TMEM266: variants seen among roughly 807,000 people sequenced by gnomAD.
TMEM266 encodes the protein Hv1 related protein 1.
A neutral mutation model predicts 50.5 loss-of-function variants in TMEM266; 33 were observed. The observed-to-expected ratio is 0.65, with a 90% CI of 0.50 to 0.87. The LOEUF (loss-of-function observed/expected upper bound fraction) is 0.87, where lower values mean the gene tolerates loss of function less well. TMEM266 is among the 40% of genes least tolerant of loss of function. TMEM266 has a pLI of 0.00. For missense variants in TMEM266, 655 were observed against 695.1 expected, an observed-to-expected ratio of 0.94 and a Z score of 0.65; for synonymous variants, 310 against 292.3, an observed-to-expected ratio of 1.06 and a Z score of -0.62.
At chr15:76,163,967 C>T (rs2038055733) in intron 5 of TMEM266, among the ~76,000 whole-genome samples, 1 of 152,174 alleles carries the variant, frequency 6.6e-6, no homozygotes, top group Non-Finnish European at 1.5e-5. Context: ...TGATGTGCAG[C>T]CGTCACTTCT....
At chr15:76,170,471 T>TGGGGCAGGCGGACGGA (rs1217453155) in intron 6 of TMEM266, among the ~76,000 whole-genome samples, 7 of 152,246 alleles carry the variant, frequency 4.6e-5, no homozygotes, top group Non-Finnish European at 1.0e-4. Context: ...ACGGCCAGGC[T>TGGGGCAGGCGGACGGA]GGGGCAGGCG....
At chr15:76,174,238 G>A (rs2957038) in intron 7 of TMEM266, among the ~76,000 whole-genome samples, 55,933 of 151,934 alleles carry the variant, frequency 0.37, 11,575 homozygotes, top group African/African-American at 0.55. Flanking sequence ...TTCACATGCC[G>A]TAAAATCCAC....
chr15:76,065,553 T>TG (rs2036397246), intron 1 of TMEM266, among the ~76,000 whole-genome samples: 1 of 152,200 alleles, frequency 6.6e-6, no homozygotes, highest in African/African-American at 2.4e-5. Context: ...GTTAAGAGTG[T>TG]GGGCTCTGCC....
intron 1 of TMEM266, among the ~76,000 whole-genome samples, chr15:76,066,046 TCAGA>T (rs970429835): frequency 3.3e-4 from 51 of 152,352 alleles, no homozygotes; most frequent in African/African-American, 1.1e-3. Flanking sequence ...CCTGTCTCTC[TCAGA>T]CAGAGTATGA....
At chr15:76,062,367 CT>C (rs1259226763) in intron 1 of TMEM266, among the ~76,000 whole-genome samples, 1 of 152,108 alleles carries the variant, frequency 6.6e-6, no homozygotes, top group Non-Finnish European at 1.5e-5. Flanking sequence ...ATGATGTTAC[CT>C]TTTTCATTAC....
intron 1 of TMEM266, among the ~76,000 whole-genome samples, chr15:76,093,595 G>A (rs554352823): frequency 3.3e-4 from 50 of 152,192 alleles, no homozygotes; most frequent in African/African-American, 1.1e-3. Context: ...TGTCTTTATA[G>A]TAGCATGATT....
At chr15:76,073,514 T>G (rs556469591) in intron 1 of TMEM266, among the ~76,000 whole-genome samples, 1 of 152,336 alleles carries the variant, frequency 6.6e-6, no homozygotes, top group East Asian at 1.9e-4. Flanking sequence ...ATTACAGGTG[T>G]GAGCCACCAT....
intron 8 of TMEM266, chr15:76,176,074 C>T: frequency 5.5e-6 from 1 of 180,900 alleles, no homozygotes; most frequent in Non-Finnish European, 1.2e-5. Context: ...CGCGGGACGC[C>T]CAGGGCCCCA....
intron 1 of TMEM266, among the ~76,000 whole-genome samples, chr15:76,074,768 A>G (rs1474223906): frequency 6.6e-6 from 1 of 152,050 alleles, no homozygotes; most frequent in Non-Finnish European, 1.5e-5. Flanking sequence ...TGGGGTGAGG[A>G]GGAGACAGAA....
At chr15:76,131,223 C>T (rs985389888) in intron 1 of TMEM266, among the ~76,000 whole-genome samples, 3 of 152,102 alleles carry the variant, frequency 2.0e-5, no homozygotes, top group Non-Finnish European at 4.4e-5. Flanking sequence ...AAAAATTAGC[C>T]AGGCGTGGTG....
At chr15:76,180,488 A>G (rs2038381545) in intron 8 of TMEM266, among the ~76,000 whole-genome samples, 1 of 152,008 alleles carries the variant, frequency 6.6e-6, no homozygotes. Context: ...ATTGTCTCAC[A>G]TCAAGAGGAC....
Position 76,140,800 on chromosome 15 carries a change from T to A in TMEM266, c.227+2905T>A, listed in dbSNP as rs563511824. 2.0e-5 allele frequency among the ~76,000 whole-genome samples: 3 copies of A among 150,270 alleles called. No individual in the cohort carries two copies. The East Asian group carries it at 5.9e-4, about 29-fold the overall frequency. On this transcript the variant is annotated intron_variant, in intron 3 of 10. Coordinates refer to ENST00000388942, the MANE Select transcript of TMEM266 (RefSeq NM_152335.3). Reference sequence around the variant, plus strand: ...CTGTAATCCCAGCACTTTGGGAGGCTGAGGTGAGAGGATCACTTGAGTCCA... The same window carrying A: ...CTGTAATCCCAGCACTTTGGGAGGCAGAGGTGAGAGGATCACTTGAGTCCA...
chr15:76,156,401 C>T (rs2037926345), intron 3 of TMEM266, among the ~76,000 whole-genome samples: 1 of 152,120 alleles, frequency 6.6e-6, no homozygotes, highest in Admixed American at 6.5e-5. Context: ...GTGGCCAGCT[C>T]CATTTCTTAA....
intron 1 of TMEM266, among the ~76,000 whole-genome samples, chr15:76,088,432 C>G (rs2036803258): frequency 6.6e-6 from 1 of 152,078 alleles, no homozygotes; most frequent in Non-Finnish European, 1.5e-5. Context: ...GCAGGAGGAT[C>G]CCTTGAGCCC....
At chr15:76,124,219 G>A (rs1049307122) in intron 1 of TMEM266, among the ~76,000 whole-genome samples, 23 of 152,290 alleles carry the variant, frequency 1.5e-4, no homozygotes, top group African/African-American at 5.3e-4. Context: ...CTTTCTTCTC[G>A]TTTGGGAGTC....
intron 4 of TMEM266, 72 bp downstream of exon 4, chr15:76,156,830 G>A: frequency 6.6e-7 from 1 of 1,523,752 alleles, no homozygotes; most frequent in Admixed American, 1.7e-5. Flanking sequence ...CATTCATCAG[G>A]GGTCCCCAAC....
chr15:76,178,977 C>T (rs982795459), intron 8 of TMEM266, among the ~76,000 whole-genome samples: 32 of 152,112 alleles, frequency 2.1e-4, no homozygotes, highest in African/African-American at 5.8e-4. Flanking sequence ...CTCCACAGAG[C>T]GAAGCAGACA....
chr15:76,083,736 G>A (rs2935986), intron 1 of TMEM266, among the ~76,000 whole-genome samples: 8,141 of 152,114 alleles, frequency 0.054, 694 homozygotes, highest in African/African-American at 0.18. Flanking sequence ...CCTACCGTAA[G>A]CCTCATGGGA....
rs200737085 is a variant in TMEM266, at chr15:76,175,563, C to T, written c.657C>T (p.Tyr219=). 1.1e-5 allele frequency: 18 copies of T among 1,613,254 alleles called. No individual in the cohort carries two copies. The highest frequency in any genetic ancestry group is 1.7e-4 in the Middle Eastern group (1 of 6,058). The stretch of plus-strand genomic sequence containing the variant: ...AGGGCTGTCTCTGTCTTCCAGCCTA[C>T]GTCCTGCCAGTGAAGCTGGAGATGG... The change falls in exon 8 of 11, where the codon TAC becomes TAT. Residue 219 remains tyrosine (Y), a synonymous_variant. Transcript: ENST00000388942.
Sources: allele counts gnomAD v4.1 joint callset (sites outside exome capture counted in the v4.1 genomes callset), GRCh38; gene constraint gnomAD v4.1.1; transcripts MANE v1.5; gene names NCBI Gene and HGNC (gene_info 2026-07-23, HGNC 2026-07-21).